The following TENM3 variants were observed in gnomAD, a reference collection of about 807,000 sequenced individuals.
TENM3 encodes the protein teneurin-3.
TENM3 carries 63 observed loss-of-function variants against 255.1 expected under a neutral mutation model. That is an observed-to-expected ratio of 0.25 (90% CI 0.20 to 0.30). The LOEUF (loss-of-function observed/expected upper bound fraction) is 0.30. Among genes scored for constraint, TENM3 ranks in the 10% least tolerant of loss-of-function variants. The pLI, the probability that TENM3 is intolerant of heterozygous loss-of-function variation, is 1.00. For synonymous variants in TENM3, 1,306 were observed against 1,322.3 expected, an observed-to-expected ratio of 0.99 and a Z score of 0.27; for missense variants, 2,929 against 3,461.1, an observed-to-expected ratio of 0.85 and a Z score of 3.86.
At position 182,257,798 on chromosome 4, in the gene TENM3, A is replaced by G. The variant is rs111228947; in HGVS notation, c.-76+14322A>G. Reference sequence around the variant, plus strand: ...GAAAGTACAGAACTTGCACAAGGTCATAAAGCCATTATATAATAGAATTGA... The same window carrying G: ...GAAAGTACAGAACTTGCACAAGGTCGTAAAGCCATTATATAATAGAATTGA... On this transcript the variant is annotated intron_variant, in intron 1 of 27. Coordinates refer to ENST00000511685, the MANE Select transcript of TENM3 (RefSeq NM_001080477.4). Among the ~76,000 whole-genome samples, 5 of 152,314 alleles carry G rather than the reference A, an allele frequency of 3.3e-5. 1 individual carries two copies. The highest frequency in any genetic ancestry group is 1.2e-4 in the African/African-American group (5 of 41,574).
the TENM3 span, among the ~76,000 whole-genome samples, chr4:182,095,470 C>A: frequency 0.057 from 8,736 of 152,188 alleles, 338 homozygotes; most frequent in East Asian, 0.14. Context: ...CATGTTCTCA[C>A]TCATACGTGA....
chr4:182,337,948 C>G (rs1025187896), intron 2 of TENM3, among the ~76,000 whole-genome samples: 2 of 152,086 alleles, frequency 1.3e-5, no homozygotes, highest in African/African-American at 4.8e-5. Flanking sequence ...TAGAAGAAAT[C>G]AGGACAGTGG....
the TENM3 span, among the ~76,000 whole-genome samples, chr4:181,540,874 A>G: frequency 3.4e-5 from 5 of 147,506 alleles, no homozygotes; most frequent in Non-Finnish European, 4.4e-5. Context: ...TGAATAAAGT[A>G]TGGCCTTAAA....
the TENM3 span, among the ~76,000 whole-genome samples, chr4:181,479,306 G>A: frequency 1.3e-5 from 2 of 152,148 alleles, no homozygotes; most frequent in Admixed American, 6.5e-5. Context: ...TGACAACTAA[G>A]CATTCTCTTG....
chr4:182,488,957 A>G (rs1735015481), intron 3 of TENM3, among the ~76,000 whole-genome samples: 1 of 152,068 alleles, frequency 6.6e-6, no homozygotes, highest in Non-Finnish European at 1.5e-5. Flanking sequence ...AAAATGATTC[A>G]TTTTCACTCT....
At chr4:181,802,781 A>G in the TENM3 span, among the ~76,000 whole-genome samples, 2 of 152,142 alleles carry the variant, frequency 1.3e-5, no homozygotes, top group South Asian at 4.1e-4. Context: ...TTTTCAGAAA[A>G]CATCAAGATT....
intron 1 of TENM3, among the ~76,000 whole-genome samples, chr4:182,195,796 C>G (rs1241700690): frequency 6.6e-6 from 1 of 152,100 alleles, no homozygotes; most frequent in Admixed American, 6.5e-5. Flanking sequence ...GATTTGTACT[C>G]GTTATAAACA....
intron 1 of TENM3, among the ~76,000 whole-genome samples, chr4:182,264,773 G>A (rs1759128085): frequency 1.3e-5 from 2 of 152,168 alleles, no homozygotes; most frequent in African/African-American, 4.8e-5. Flanking sequence ...ACTTGGCATG[G>A]CTAAAGTTGG....
chr4:181,623,857 G>A, the TENM3 span, among the ~76,000 whole-genome samples: 2 of 152,170 alleles, frequency 1.3e-5, no homozygotes, highest in Admixed American at 1.3e-4. Flanking sequence ...GCTTAAAAGT[G>A]AAATATGATG....
At chr4:182,011,782 G>C in the TENM3 span, among the ~76,000 whole-genome samples, 1 of 152,164 alleles carries the variant, frequency 6.6e-6, no homozygotes, top group Admixed American at 6.5e-5. Flanking sequence ...GCTTTCCTTT[G>C]AGCCTGGGCA....
At chr4:181,631,393 G>A in the TENM3 span, among the ~76,000 whole-genome samples, 4 of 151,926 alleles carry the variant, frequency 2.6e-5, no homozygotes, top group African/African-American at 9.7e-5. Context: ...AGGTTCAAGC[G>A]ATTCTCCTGC....
intron 1 of TENM3, among the ~76,000 whole-genome samples, chr4:182,259,449 C>G (rs1031618155): frequency 1.3e-5 from 2 of 151,986 alleles, no homozygotes; most frequent in Non-Finnish European, 2.9e-5. Flanking sequence ...GTAGCTGGGA[C>G]CACAGGTGCG....
chr4:182,728,588 T>C (rs1005979716), intron 13 of TENM3, among the ~76,000 whole-genome samples: 1 of 152,166 alleles, frequency 6.6e-6, no homozygotes, highest in Admixed American at 6.5e-5. Context: ...TCATGGCATG[T>C]ACTTACGCAA....
At chr4:182,442,100 A>C (rs151068245) in intron 3 of TENM3, among the ~76,000 whole-genome samples, 66 of 152,266 alleles carry the variant, frequency 4.3e-4, no homozygotes, top group African/African-American at 1.5e-3. Context: ...AGCAAGCAGA[A>C]ATTGGTCAGC....
chr4:181,926,364 G>A, the TENM3 span, among the ~76,000 whole-genome samples: 2 of 152,200 alleles, frequency 1.3e-5, no homozygotes, highest in East Asian at 3.9e-4. Flanking sequence ...AGAAAGTTCT[G>A]TTGAGGCAAG....
chr4:181,951,540 G>A, the TENM3 span, among the ~76,000 whole-genome samples: 2 of 152,164 alleles, frequency 1.3e-5, no homozygotes, highest in Admixed American at 1.3e-4. Context: ...AAGGAAGAAC[G>A]GCAAAGTCCA....
intron 3 of TENM3, among the ~76,000 whole-genome samples, chr4:182,382,064 A>C (rs1430949080): frequency 6.6e-6 from 1 of 152,182 alleles, no homozygotes; most frequent in Non-Finnish European, 1.5e-5. Context: ...GAATGTATTA[A>C]AGAGGGAATT....
In TENM3 at chr4:182,361,768, G is replaced by A. The variant is rs572547605; in HGVS notation, c.511+14839G>A. Among the ~76,000 whole-genome samples, 814 of 152,240 alleles carry A rather than the reference G, an allele frequency of 5.3e-3. 2 individuals are homozygous for A. Among genetic ancestry groups the A allele is most frequent in the African/African-American group, 0.018 (751 of 41,540 alleles). On this transcript the variant is annotated intron_variant, in intron 3 of 27. Coordinates refer to ENST00000511685, the MANE Select transcript of TENM3 (RefSeq NM_001080477.4). ...TGTTCCATTGCTGGTGAGGAACTGC[G>A]TTCCTTTGGAGGAGGAGAGGTGCTC...
At chr4:181,459,971 C>T in the TENM3 span, among the ~76,000 whole-genome samples, 1 of 151,848 alleles carries the variant, frequency 6.6e-6, no homozygotes, top group Admixed American at 6.6e-5. Flanking sequence ...ACTTCACTTA[C>T]CTCTCTTCAC....
Sources: allele counts gnomAD v4.1 joint callset (sites outside exome capture counted in the v4.1 genomes callset), GRCh38; gene constraint gnomAD v4.1.1; transcripts MANE v1.5; gene names NCBI Gene and HGNC (gene_info 2026-07-23, HGNC 2026-07-21).